COL5A1: variants seen among roughly 807,000 people sequenced by gnomAD.
COL5A1 encodes the protein collagen type V alpha 1 chain.
Under a neutral mutation model 263.7 loss-of-function variants are expected in COL5A1, and 16 were observed. The observed-to-expected ratio is 0.06, with a 90% CI of 0.04 to 0.09. The LOEUF (loss-of-function observed/expected upper bound fraction) is 0.09, where lower values mean the gene tolerates loss of function less well. Among genes scored for constraint, COL5A1 ranks in the 10% least tolerant of loss-of-function variants. The pLI, the probability that COL5A1 is intolerant of heterozygous loss-of-function variation, is 1.00. For missense variants in COL5A1, 2,036 were observed against 2,540.5 expected, an observed-to-expected ratio of 0.80 and a Z score of 4.27; for synonymous variants, 1,012 against 1,004.5, an observed-to-expected ratio of 1.01 and a Z score of -0.14.
Position 134,767,316 on chromosome 9 carries a change from C to T in COL5A1, c.2194C>T (p.Pro732Ser). 1 of 1,614,118 alleles carries T rather than the reference C, an allele frequency of 6.2e-7. No homozygotes were observed. The highest frequency in any genetic ancestry group is 1.7e-5 in the Admixed American group (1 of 60,032). The change falls in exon 24 of 66, where the codon CCA becomes TCA. Residue 732 changes from proline to serine, a missense_variant. Coordinates refer to ENST00000371817, the MANE Select transcript of COL5A1 (RefSeq NM_000093.5). The part of the protein sequence containing the change: ...QQGNPGAQGL[P>S]GPQGAIGPPG... ...GGCTCTTTCTCCCTCTTAGGGTCTT[C>T]CAGGCCCCCAGGGTGCAATTGGTCC...
chr9:134,642,820 C>T lies in COL5A1; in HGVS notation c.109+524C>T, dbSNP rs182124713. 1.7e-3 allele frequency among the ~76,000 whole-genome samples: 257 copies of T among 152,330 alleles called. No homozygotes were observed. Among genetic ancestry groups the T allele is most frequent in the African/African-American group, 5.7e-3 (236 of 41,576 alleles). On this transcript the variant is annotated intron_variant, in intron 1 of 65. Transcript: ENST00000371817. The surrounding 1 kb of genome is among the most constrained non-coding windows in gnomAD (Gnocchi z 4.5). ...TGTCACTCTAGGCTGAGCTGGCGCC[C>T]TGCTTTCCCCAGGGACAGCGTTTCC...
intron 64 of COL5A1, among the ~76,000 whole-genome samples, chr9:134,831,912 T>C (rs1839646957): frequency 6.6e-6 from 1 of 152,174 alleles, no homozygotes; most frequent in Non-Finnish European, 1.5e-5. Flanking sequence ...CACGGCCTTA[T>C]TTCTAGCTCT....
At chr9:134,763,082 C>T (rs1047511459) in intron 19 of COL5A1, among the ~76,000 whole-genome samples, 1 of 151,720 alleles carries the variant, frequency 6.6e-6, no homozygotes, top group African/African-American at 2.4e-5. Flanking sequence ...TGTGCATGCA[C>T]AGGGTCTGTG....
chr9:134,709,252 A>C, intron 4 of COL5A1: 1 of 282,360 alleles, frequency 3.5e-6, no homozygotes, highest in Non-Finnish European at 6.8e-6. Flanking sequence ...GGGCATGCAT[A>C]TTTGGGGCCT....
rs1831304404 is a variant in COL5A1, at chr9:134,642,016, C to T, written c.-172C>T. The T allele has an allele frequency of 1.8e-6, 1 of 560,132 alleles. No individual in the cohort carries two copies. The highest frequency in any genetic ancestry group is 9.0e-5 in the South Asian group (1 of 11,108). 34.7% of individuals were successfully genotyped at this position (560,132 alleles called of 1,614,324 possible). ...CCCGTGGGCGAGCGCGCCAGCCGCC[C>T]CTTCCAGAACAGCCGCCGCCACAAA... On this transcript the variant is annotated 5_prime_UTR_variant, in exon 1 of 66. Coordinates refer to ENST00000371817, the MANE Select transcript of COL5A1 (RefSeq NM_000093.5). The surrounding 1 kb of genome is among the most constrained non-coding windows in gnomAD (Gnocchi z 4.5).
Position 134,758,379 on chromosome 9 carries a change from C to T in COL5A1, c.1935+83C>T. 1.4e-6 allele frequency: 2 copies of T among 1,417,090 alleles called. No individual in the cohort carries two copies. Among genetic ancestry groups the T allele is most frequent in the Middle Eastern group, 3.5e-4 (2 of 5,684 alleles). 87.8% of individuals were successfully genotyped at this position (1,417,090 alleles called of 1,614,324 possible). A position where few individuals can be genotyped will look rare whatever the true frequency, so the allele number is the denominator to read the frequency against. On this transcript the variant is annotated intron_variant, in intron 18 of 65. Coordinates refer to ENST00000371817, the MANE Select transcript of COL5A1 (RefSeq NM_000093.5). This position sits in a 1 kb window ranked among gnomAD's most constrained non-coding sequence, Gnocchi z 4.1. Reference sequence around the variant, plus strand: ...GGAGGCCCTTCTCCTTCCAGGCAGCCTCAGATTTCCTGTGGGGTCAGGTCT... The same window carrying T: ...GGAGGCCCTTCTCCTTCCAGGCAGCTTCAGATTTCCTGTGGGGTCAGGTCT...
At position 134,830,949 on chromosome 9, in the gene COL5A1, A is replaced by G. The variant is rs191210710; in HGVS notation, c.5136+905A>G. ...GTTCTGTCTTTTCTCCCAGCAAGTT[A>G]AAGGACCAAGGTTCCAGAACACAAG... On this transcript the variant is annotated intron_variant, in intron 64 of 65. Coordinates refer to ENST00000371817, the MANE Select transcript of COL5A1 (RefSeq NM_000093.5). Among the ~76,000 whole-genome samples the G allele has an allele frequency of 2.6e-5, 4 of 152,322 alleles. No individual in the cohort carries two copies. The East Asian group carries it at 7.7e-4, about 29-fold the overall frequency.
chr9:134,767,671 G>C (rs12352715), intron 24 of COL5A1, among the ~76,000 whole-genome samples: 1 of 152,104 alleles, frequency 6.6e-6, no homozygotes, highest in Admixed American at 6.5e-5. Context: ...AAATTTAACC[G>C]GGCATCTTGT....
intron 9 of COL5A1, 106 bp downstream of exon 9, chr9:134,732,233 G>A (rs981516669): frequency 3.3e-5 from 40 of 1,194,178 alleles, no homozygotes; most frequent in Admixed American, 3.1e-4. Context: ...GCACCTGCGC[G>A]CACTGGGTCA....
chr9:134,666,587 C>T (rs1370605677), intron 1 of COL5A1, among the ~76,000 whole-genome samples: 1 of 152,212 alleles, frequency 6.6e-6, no homozygotes, highest in African/African-American at 2.4e-5. Flanking sequence ...TCCTGGATGA[C>T]TGAGAGCTCG....
intron 41 of COL5A1, among the ~76,000 whole-genome samples, chr9:134,805,946 G>T (rs1362914173): frequency 1.3e-5 from 2 of 152,140 alleles, no homozygotes; most frequent in Non-Finnish European, 2.9e-5. Flanking sequence ...CCCATTGAAG[G>T]CAAGCACACC....
intron 1 of COL5A1, among the ~76,000 whole-genome samples, chr9:134,667,331 T>C (rs1418048090): frequency 6.6e-6 from 1 of 152,218 alleles, no homozygotes; most frequent in Non-Finnish European, 1.5e-5. Flanking sequence ...CTCCAGGCCC[T>C]CTCAGGATCA....
intron 63 of COL5A1, among the ~76,000 whole-genome samples, chr9:134,826,456 T>G (rs1839264957): frequency 6.6e-6 from 1 of 152,250 alleles, no homozygotes. Context: ...TACCCACCTC[T>G]GTGGCCTTTC....
chr9:134,738,407 C>A, intron 9 of COL5A1, 67 bp from the exon 10 acceptor site: 1 of 1,590,616 alleles, frequency 6.3e-7, no homozygotes, highest in Non-Finnish European at 8.6e-7. Flanking sequence ...GCCGTCCACA[C>A]CACTGGGGTC....
intron 11 of COL5A1, among the ~76,000 whole-genome samples, chr9:134,748,201 T>C (rs767557233): frequency 1.4e-5 from 2 of 147,780 alleles, no homozygotes; most frequent in African/African-American, 5.1e-5. Flanking sequence ...TTCACACACA[T>C]GCACACACCC....
At chr9:134,746,711 G>T (rs77001081) in intron 11 of COL5A1, among the ~76,000 whole-genome samples, 2,796 of 152,368 alleles carry the variant, frequency 0.018, 74 homozygotes, top group African/African-American at 0.055. Flanking sequence ...GAACATTGCT[G>T]TTTGACCAAG....
At chr9:134,810,562 G>A (rs1467410300) in intron 44 of COL5A1, 2 of 527,526 alleles carry the variant, frequency 3.8e-6, no homozygotes, top group Non-Finnish European at 6.8e-6. Context: ...TAAATGGAGT[G>A]TTTCTGTCCT....
intron 4 of COL5A1, among the ~76,000 whole-genome samples, chr9:134,701,759 G>A (rs3124290): frequency 0.5 from 75,684 of 152,012 alleles, 19,189 homozygotes; most frequent in Admixed American, 0.64. Flanking sequence ...CCGTGTGGAC[G>A]CACCAGGGAG....
intron 2 of COL5A1, chr9:134,691,694 G>A (rs1280449822): frequency 6.4e-6 from 1 of 156,220 alleles, no homozygotes; most frequent in Non-Finnish European, 1.4e-5. Flanking sequence ...AAACCCTCTG[G>A]GCTTATCTGG....
Sources: allele counts gnomAD v4.1 joint callset (sites outside exome capture counted in the v4.1 genomes callset), GRCh38; gene constraint gnomAD v4.1.1; non-coding constraint Gnocchi (gnomAD v3.1); transcripts MANE v1.5; gene names NCBI Gene and HGNC (gene_info 2026-07-23, HGNC 2026-07-21).